Variants in ERC2 observed in about 807,000 individuals in gnomAD.
The protein encoded by ERC2 is ELKS/RAB6-interacting/CAST family member 2, also known as ERC protein 2.
A neutral mutation model predicts 114.8 loss-of-function variants in ERC2; 42 were observed. The observed-to-expected ratio is 0.37, with a 90% CI of 0.29 to 0.47. The LOEUF (loss-of-function observed/expected upper bound fraction) is 0.47, where lower values mean the gene tolerates loss of function less well. ERC2 is among the 20% of genes least tolerant of loss of function. The pLI is 0.99. For synonymous variants in ERC2, 454 were observed against 425.5 expected, an observed-to-expected ratio of 1.07 and a Z score of -0.82; for missense variants, 939 against 1,150.7, an observed-to-expected ratio of 0.82 and a Z score of 2.66.
rs571784598 is a variant in ERC2 at position 55,626,878 on chromosome 3, C to T, written c.*39+56916G>A. 2.3e-3 allele frequency among the ~76,000 whole-genome samples: 346 copies of T among 152,324 alleles called. 6 individuals carry two copies. Among genetic ancestry groups the T allele is most frequent in the South Asian group, 8.9e-3 (43 of 4,816 alleles). On this transcript the variant is annotated intron_variant, in intron 17 of 17. Coordinates refer to ENST00000288221, the MANE Select transcript of ERC2 (RefSeq NM_015576.3). ...AACATTTCTGAGTCTCAGTTTCTAG[C>T]CTTTAAAATGGAACCAATATCTACT...
At chr3:56,348,210 C>A (rs2058381275) in intron 2 of ERC2, among the ~76,000 whole-genome samples, 1 of 152,116 alleles carries the variant, frequency 6.6e-6, no homozygotes, top group African/African-American at 2.4e-5. Flanking sequence ...GCCCAAGAAC[C>A]AATCTGCCAA....
chr3:56,295,935 T>C, intron 3 of ERC2, 84 bp downstream of exon 3: 1 of 1,392,932 alleles, frequency 7.2e-7, no homozygotes, highest in Non-Finnish European at 9.6e-7. Flanking sequence ...AGGATGTAGA[T>C]ATCTTCCAAC....
At position 56,153,373 on chromosome 3, in the gene ERC2, A is replaced by G. The variant is rs111972304; in HGVS notation, c.1150-4241T>C. 1.8e-3 allele frequency among the ~76,000 whole-genome samples: 274 copies of G among 152,208 alleles called. 4 individuals are homozygous for G. The highest frequency in any genetic ancestry group is 6.4e-3 in the African/African-American group (267 of 41,528). On this transcript the variant is annotated intron_variant, in intron 4 of 17. Coordinates refer to ENST00000288221, the MANE Select transcript of ERC2 (RefSeq NM_015576.3). ...TCCACTTGCAAAATCTCAGGCCCCA[A>G]CTCAGAACTATTGAATCCAAATCCA...
intron 8 of ERC2, among the ~76,000 whole-genome samples, chr3:56,013,561 T>G (rs1299420846): frequency 6.6e-6 from 1 of 152,186 alleles, no homozygotes; most frequent in African/African-American, 2.4e-5. Flanking sequence ...GGAAACAGCT[T>G]CCAGGAGCGG....
chr3:56,122,888 G>A (rs958206100), intron 6 of ERC2, among the ~76,000 whole-genome samples: 2 of 152,078 alleles, frequency 1.3e-5, no homozygotes, highest in Non-Finnish European at 2.9e-5. Flanking sequence ...CGTCGCTTCT[G>A]CTAAGTCCCT....
intron 3 of ERC2, among the ~76,000 whole-genome samples, chr3:56,281,043 A>G (rs2054302855): frequency 6.6e-6 from 1 of 152,256 alleles, no homozygotes; most frequent in Admixed American, 6.5e-5. Context: ...ATAAATCATA[A>G]GAAGTTCTTA....
intron 1 of ERC2, among the ~76,000 whole-genome samples, chr3:56,447,769 G>C (rs1032608189): frequency 1.3e-5 from 2 of 151,420 alleles, no homozygotes; most frequent in Non-Finnish European, 2.9e-5. Flanking sequence ...TTGAGACAGA[G>C]TCTCGCTCTG....
chr3:55,716,801 G>C (rs2064145593), intron 15 of ERC2, among the ~76,000 whole-genome samples: 1 of 152,146 alleles, frequency 6.6e-6, no homozygotes, highest in South Asian at 2.1e-4. Context: ...ACCTTTCCTG[G>C]TGACAATTAC....
At chr3:56,348,606 G>T (rs929471028) in intron 2 of ERC2, among the ~76,000 whole-genome samples, 2 of 150,590 alleles carry the variant, frequency 1.3e-5, no homozygotes, top group Non-Finnish European at 3.0e-5. Context: ...AAATCTGCAG[G>T]TTCTTAAACA....
chr3:55,525,925 C>T (rs905227053), intron 17 of ERC2, among the ~76,000 whole-genome samples: 4 of 152,176 alleles, frequency 2.6e-5, no homozygotes, highest in African/African-American at 9.7e-5. Context: ...CAAGTCCTAA[C>T]CGCTAGTAAA....
chr3:55,513,296 G>T (rs1241818797), intron 17 of ERC2, among the ~76,000 whole-genome samples: 1 of 152,198 alleles, frequency 6.6e-6, no homozygotes, highest in African/African-American at 2.4e-5. Flanking sequence ...GGCCCCATCT[G>T]GCCTCTCTCT....
chr3:55,954,375 A>G (rs909029304), intron 12 of ERC2, among the ~76,000 whole-genome samples: 2 of 152,204 alleles, frequency 1.3e-5, no homozygotes, highest in African/African-American at 4.8e-5. Context: ...AATGACTACC[A>G]TATTAAGAAA....
intron 3 of ERC2, among the ~76,000 whole-genome samples, chr3:56,246,782 T>G (rs565559607): frequency 1.2e-4 from 19 of 152,356 alleles, no homozygotes. Context: ...CCCTACTTAG[T>G]GTCCTGAAGC....
At chr3:55,754,827 A>C (rs1366482886) in intron 14 of ERC2, among the ~76,000 whole-genome samples, 1 of 152,102 alleles carries the variant, frequency 6.6e-6, no homozygotes, top group Non-Finnish European at 1.5e-5. Context: ...CTGAAACTGA[A>C]TTAATTTAGC....
In ERC2 at chr3:55,932,220, G is replaced by T. The variant is rs142503468; in HGVS notation, c.2403+18205C>A. On this transcript the variant is annotated intron_variant, in intron 13 of 17. Transcript: ENST00000288221. Reference sequence around the variant, plus strand: ...ATGATGGATAACCTAGGGTCTAAAAGGCCTGAGTAGTCACTAAAAATATAA... The same window carrying T: ...ATGATGGATAACCTAGGGTCTAAAATGCCTGAGTAGTCACTAAAAATATAA... Among the ~76,000 whole-genome samples, 590 of 152,194 alleles carry T rather than the reference G, an allele frequency of 3.9e-3. 9 individuals are homozygous for T. Among genetic ancestry groups the T allele is most frequent in the African/African-American group, 0.013 (527 of 41,524 alleles).
intron 10 of ERC2, among the ~76,000 whole-genome samples, chr3:55,997,434 C>T (rs2071604813): frequency 1.3e-5 from 2 of 150,688 alleles, no homozygotes; most frequent in African/African-American, 2.4e-5. Context: ...TCAATCTTCT[C>T]ATAATTCTAA....
intron 5 of ERC2, among the ~76,000 whole-genome samples, chr3:56,143,892 C>T (rs982864159): frequency 6.6e-6 from 1 of 152,198 alleles, no homozygotes; most frequent in South Asian, 2.1e-4. Context: ...ACAATATTAG[C>T]TGAGCATGAA....
chr3:56,399,362 T>A (rs554295075), intron 2 of ERC2, among the ~76,000 whole-genome samples: 21 of 152,338 alleles, frequency 1.4e-4, no homozygotes, highest in African/African-American at 4.6e-4. Context: ...GATGCAAGCA[T>A]GGACTATAGA....
chr3:55,952,129 T>G (rs2067565021), intron 12 of ERC2, among the ~76,000 whole-genome samples: 1 of 125,806 alleles, frequency 7.9e-6, no homozygotes, highest in Non-Finnish European at 1.7e-5. Flanking sequence ...CAAGGCCCCA[T>G]CTCTAAAACA....
Sources: allele counts gnomAD v4.1 joint callset (sites outside exome capture counted in the v4.1 genomes callset), GRCh38; gene constraint gnomAD v4.1.1; transcripts MANE v1.5; gene names NCBI Gene and HGNC (gene_info 2026-07-23, HGNC 2026-07-21).